MARVELD3: variants seen among roughly 807,000 people sequenced by gnomAD.
MARVELD3 encodes the protein MARVEL domain containing 3, also known as MARVEL domain-containing protein 3.
In MARVELD3, 28 loss-of-function variants were observed where a neutral mutation model predicts 33.5. That is an observed-to-expected ratio of 0.84 (90% CI 0.62 to 1.15). The LOEUF (loss-of-function observed/expected upper bound fraction) is 1.15, where lower values mean the gene tolerates loss of function less well. MARVELD3 is among the 50% of genes most tolerant of loss of function. The pLI is 0.00. For synonymous variants in MARVELD3, 241 were observed against 230.4 expected (o/e 1.05, Z -0.42); for missense variants, 582 against 547.6 (o/e 1.06, Z -0.63).
At chr16:71,637,650 A>T (rs1185335217), downstream of MARVELD3, among the ~76,000 whole-genome samples, 1 of 152,218 alleles carries the variant, frequency 6.6e-6, no homozygotes. Flanking sequence ...CAAGCTGAGT[A>T]GCTGTTGCCT....
downstream of MARVELD3, chr16:71,641,126 C>A: frequency 7.1e-7 from 1 of 1,400,730 alleles, no homozygotes; most frequent in Non-Finnish European, 9.7e-7. Flanking sequence ...ACACACTTGA[C>A]TTTATAAATG....
chr16:71,636,958 C>T (rs1029568611), downstream of MARVELD3, among the ~76,000 whole-genome samples: 1 of 152,186 alleles, frequency 6.6e-6, no homozygotes, highest in Non-Finnish European at 1.5e-5. Context: ...CTACCAAACC[C>T]TCTGCTGTCT....
At chr16:71,633,009 T>A (rs1360852045) in intron 2 of MARVELD3, among the ~76,000 whole-genome samples, 1 of 152,188 alleles carries the variant, frequency 6.6e-6, no homozygotes, top group African/African-American at 2.4e-5. Context: ...AGCTCTGTGA[T>A]TTTCTTCAAA....
Position 71,632,375 on chromosome 16 carries a change from G to C in MARVELD3, c.596-1818G>C, listed in dbSNP as rs138727637. Among the ~76,000 whole-genome samples the C allele has an allele frequency of 1.7e-4, 26 of 152,278 alleles. 1 individual carries two copies. In the East Asian group the frequency reaches 4.8e-3, roughly 28 times the overall value. On this transcript the variant is annotated intron_variant, in intron 2 of 2. Transcript: ENST00000268485. ...TTCACTAACGTTGATTTTAAGGAAA[G>C]CAGCCAGTTTTCTTTGTCCAAGATA... is the stretch of plus-strand genomic sequence containing the variant.
intron 1 of MARVELD3, 67 bp from the exon 2 acceptor site, chr16:71,629,300 G>C: frequency 6.8e-7 from 1 of 1,469,076 alleles, no homozygotes. Flanking sequence ...GAGGAGTCAA[G>C]AGTTCTAATC....
intron 1 of MARVELD3, among the ~76,000 whole-genome samples, chr16:71,627,158 C>G (rs988827930): frequency 2.6e-5 from 4 of 152,196 alleles, no homozygotes; most frequent in Admixed American, 2.0e-4. Context: ...TTGGGAAGCC[C>G]GATGAAGAGT....
At position 71,629,468 on chromosome 16, in the gene MARVELD3, A is replaced by T; in HGVS notation, c.569A>T (p.Lys190Ile). 23 of 1,575,838 alleles carry T rather than the reference A, an allele frequency of 1.5e-5. No individual in the cohort carries two copies. Among genetic ancestry groups the T allele is most frequent in the Non-Finnish European group, 1.9e-5 (22 of 1,165,366 alleles). ...GCGGAAGGACTCCTGGAATGCCACA[A>T]ATGCAAATACTTGTGCACTGGGAGA... ...SEAEGLLECH[K>I]CKYLCTGRAC... Residue 190 changes from lysine (K) to isoleucine (I), a missense_variant, in exon 2 of 3, where the codon AAA (lysine) becomes ATA (isoleucine). Coordinates refer to ENST00000268485, the MANE Select transcript of MARVELD3 (RefSeq NM_052858.6).
Position 71,629,390 on chromosome 16 carries a change from T to C in MARVELD3, c.491T>C (p.Leu164Pro). Residue 164 changes from leucine to proline, a missense_variant, in exon 2 of 3, where the codon CTG becomes CCG. By Grantham distance (98) the Leu-to-Pro change is moderately conservative (BLOSUM62 -3). Transcript: ENST00000268485. ...PESEPPSERYLPSTPRPGREE... is the reference protein window; with the variant it reads ...PESEPPSERYPPSTPRPGREE... ...AGTGAACCCCCTTCGGAGAGATATC[T>C]GCCCTCGACCCCCAGGCCTGGACGA... 1 of 1,567,164 alleles carries C rather than the reference T, an allele frequency of 6.4e-7. No individual in the cohort carries two copies. The highest frequency in any genetic ancestry group is 8.6e-7 in the Non-Finnish European group (1 of 1,161,624).
At chr16:71,640,733 C>CTACT, downstream of MARVELD3, 1 of 1,614,236 alleles carries the variant, frequency 6.2e-7, no homozygotes, top group Non-Finnish European at 8.5e-7. Context: ...CGGCAGTGGG[C>CTACT]TACTGCACAG....
At chr16:71,641,951 T>C (rs1029843224) in exon 3 of MARVELD3, 4 of 152,184 alleles carry the variant, frequency 2.6e-5, no homozygotes, top group Non-Finnish European at 5.9e-5. Flanking sequence ...AATAAAGTTC[T>C]TTTAGTAATT....
rs1484474739 is a variant in MARVELD3 at position 71,634,531 on chromosome 16, C to A, written c.934C>A (p.Leu312Ile). 1 of 1,614,212 alleles carries A rather than the reference C, an allele frequency of 6.2e-7. No homozygotes were observed. Among genetic ancestry groups the A allele is most frequent in the African/African-American group, 1.3e-5 (1 of 75,052 alleles). Residue 312 changes from leucine to isoleucine, a missense_variant, in exon 3 of 3, where the codon CTC (leucine) becomes ATC (isoleucine). Physicochemically the swap from Leu to Ile is conservative, Grantham distance 5. Transcript: ENST00000268485. ...GGTGACCGAAGGCTTGTTGGACATG[C>A]TCATCGCGGGGGGGTACATCCCGGC... ...LLVTEGLLDMLIAGGYIPALY... is the reference protein window; with the variant it reads ...LLVTEGLLDMIIAGGYIPALY...
downstream of MARVELD3, chr16:71,640,535 T>C: frequency 6.2e-7 from 1 of 1,614,182 alleles, no homozygotes; most frequent in Non-Finnish European, 8.5e-7. Context: ...TCGAGGGCAC[T>C]GAGCTAGAGC....
downstream of MARVELD3, chr16:71,640,458 G>C (rs2044608890): frequency 2.5e-6 from 4 of 1,614,002 alleles, no homozygotes; most frequent in Non-Finnish European, 3.4e-6. Flanking sequence ...CTCCTACTTT[G>C]TCCTTGCCGG....
Position 71,626,765 on chromosome 16 carries a change from C to T in MARVELD3, c.467+69C>T. ...TGTGGCCCAGGCCGGCCCGCGAGGC[C>T]CTGGCGTCCCCGGGTTCTCGTCCTA... is the stretch of plus-strand genomic sequence containing the variant. On this transcript the variant is annotated intron_variant, in intron 1 of 2. Coordinates refer to ENST00000268485, the MANE Select transcript of MARVELD3 (RefSeq NM_052858.6). The surrounding 1 kb of genome is among the most constrained non-coding windows in gnomAD (Gnocchi z 5.3). 7.9e-7 allele frequency: 1 copy of T among 1,272,544 alleles called. No homozygotes were observed. The allele number at this position is 1,272,544 out of a possible 1,614,324, so 78.8% of individuals were successfully genotyped here.
chr16:71,631,661 C>T lies in MARVELD3; in HGVS notation c.595+2167C>T, dbSNP rs557920774. ...CAGGGTTTTACCATGTTGGCCAGGC[C>T]GGTCTTGAACTCCTGACCTCGTGAT... is the stretch of plus-strand genomic sequence containing the variant. On this transcript the variant is annotated intron_variant, in intron 2 of 2. Coordinates refer to ENST00000268485, the MANE Select transcript of MARVELD3 (RefSeq NM_052858.6). Among the ~76,000 whole-genome samples the T allele has an allele frequency of 6.6e-5, 10 of 152,016 alleles. No homozygotes were observed. In the East Asian group the frequency reaches 9.7e-4, roughly 15 times the overall value.
intron 1 of MARVELD3, chr16:71,629,074 T>C (rs1309616991): frequency 2.9e-6 from 1 of 345,118 alleles, no homozygotes; most frequent in African/African-American, 2.1e-5. Context: ...ACTGAGAACT[T>C]GCACTCACAG....
downstream of MARVELD3, chr16:71,638,636 T>C (rs949620891): frequency 1.3e-5 from 2 of 152,338 alleles, no homozygotes; most frequent in Non-Finnish European, 1.5e-5. Flanking sequence ...TTTTGAAATA[T>C]AGATTTGCAA....
downstream of MARVELD3, chr16:71,640,258 C>A (rs1203962209): frequency 3.0e-6 from 3 of 992,164 alleles, no homozygotes; most frequent in African/African-American, 1.6e-5. Flanking sequence ...CAGAGTGACA[C>A]CGTCTCAAAA....
At chr16:71,639,414 T>C (rs1245368210), downstream of MARVELD3, 1 of 150,608 alleles carries the variant, frequency 6.6e-6, no homozygotes, top group Non-Finnish European at 1.5e-5. Context: ...TTGAGATTCA[T>C]TCAAGTCATT....
Sources: gnomAD v4.1 joint callset for allele counts (sites outside exome capture counted in the v4.1 genomes callset) on GRCh38, gnomAD v4.1.1 for gene constraint, Gnocchi (gnomAD v3.1) non-coding constraint, MANE v1.5 for transcripts, NCBI Gene and HGNC (gene_info 2026-07-23, HGNC 2026-07-21) for gene names.